LMO7: variants seen among roughly 807,000 people sequenced by gnomAD.
LMO7 encodes the protein LIM domain 7.
In LMO7, 120 loss-of-function variants were observed where a neutral mutation model predicts 206.5. The observed-to-expected ratio is 0.58, with a 90% CI of 0.50 to 0.68. The LOEUF (loss-of-function observed/expected upper bound fraction) is 0.68. Among genes scored for constraint, LMO7 ranks in the 30% least tolerant of loss-of-function variants. The probability of loss-of-function intolerance (pLI) is 0.00; values close to 1 mark genes in which losing one functional copy is unlikely to be tolerated. For synonymous variants in LMO7, 706 were observed against 681.5 expected, an observed-to-expected ratio of 1.04 and a Z score of -0.56; for missense variants, 1,959 against 1,957.9, an observed-to-expected ratio of 1.00 and a Z score of -0.01.
chr13:75,637,749 G>C (rs1418384045), intron 1 of LMO7, among the ~76,000 whole-genome samples: 1 of 152,152 alleles, frequency 6.6e-6, no homozygotes, highest in Non-Finnish European at 1.5e-5. Context: ...TTTCCTTAAA[G>C]AAATACATGT....
intron 1 of LMO7, among the ~76,000 whole-genome samples, chr13:75,694,135 C>T (rs374875211): frequency 4.6e-5 from 7 of 152,176 alleles, no homozygotes; most frequent in South Asian, 2.1e-4. Flanking sequence ...CAATCTAGGA[C>T]GGAAGAGAAG....
At chr13:75,836,497 A>G in intron 19 of LMO7, 40 bp downstream of exon 19, 1 of 1,035,456 alleles carries the variant, frequency 9.7e-7, no homozygotes, top group Non-Finnish European at 1.4e-6. Flanking sequence ...TAATACAGGA[A>G]AAGACATAGC....
At chr13:75,689,570 C>G (rs549491680) in intron 1 of LMO7, among the ~76,000 whole-genome samples, 1 of 152,086 alleles carries the variant, frequency 6.6e-6, no homozygotes, top group South Asian at 2.1e-4. Context: ...ACAGACCCAC[C>G]CTCAATCTGG....
chr13:75,664,141 T>C (rs993498435), intron 1 of LMO7, among the ~76,000 whole-genome samples: 15 of 152,272 alleles, frequency 9.9e-5, no homozygotes, highest in African/African-American at 3.6e-4. Flanking sequence ...ACTCCACTAC[T>C]CTTCCCAGCC....
intron 3 of LMO7, among the ~76,000 whole-genome samples, chr13:75,730,481 T>C (rs1323547199): frequency 1.3e-5 from 2 of 152,294 alleles, no homozygotes; most frequent in Non-Finnish European, 2.9e-5. Context: ...GATATCCCCT[T>C]TATCATTTTT....
At chr13:75,735,391 A>G (rs907930712) in intron 3 of LMO7, among the ~76,000 whole-genome samples, 1 of 152,034 alleles carries the variant, frequency 6.6e-6, no homozygotes, top group Non-Finnish European at 1.5e-5. Flanking sequence ...ACAACTTTCT[A>G]CTAGTAATAC....
At chr13:75,839,009 A>C (rs1029621387) in intron 20 of LMO7, among the ~76,000 whole-genome samples, 1 of 152,234 alleles carries the variant, frequency 6.6e-6, no homozygotes, top group Non-Finnish European at 1.5e-5. Context: ...ACACGTTTAC[A>C]AACGTGCCTT....
At chr13:75,772,109 C>A (rs1402025671) in intron 4 of LMO7, among the ~76,000 whole-genome samples, 2 of 152,094 alleles carry the variant, frequency 1.3e-5, no homozygotes, top group Non-Finnish European at 2.9e-5. Context: ...TTAAGAATTT[C>A]TTTACCAAGA....
chr13:75,763,690 T>C (rs779772891), intron 4 of LMO7, among the ~76,000 whole-genome samples: 11 of 152,176 alleles, frequency 7.2e-5, no homozygotes, highest in Non-Finnish European at 1.6e-4. Flanking sequence ...GCAAACTCAA[T>C]CTAATCATGA....
intron 4 of LMO7, among the ~76,000 whole-genome samples, chr13:75,765,752 T>C (rs1456647203): frequency 6.6e-6 from 1 of 152,158 alleles, no homozygotes; most frequent in Non-Finnish European, 1.5e-5. Flanking sequence ...GACAAGCCAT[T>C]GAATAATTCA....
intron 1 of LMO7, among the ~76,000 whole-genome samples, chr13:75,706,147 T>C (rs1400521743): frequency 6.6e-6 from 1 of 152,174 alleles, no homozygotes; most frequent in Non-Finnish European, 1.5e-5. Context: ...TAAGATGTTA[T>C]GTAGCTTGTT....
intron 7 of LMO7, among the ~76,000 whole-genome samples, chr13:75,801,124 T>A (rs1301252846): frequency 6.6e-6 from 1 of 152,132 alleles, no homozygotes; most frequent in East Asian, 1.9e-4. Context: ...TTGTGGCCTG[T>A]TTTATCAGTG....
At chr13:75,792,256 C>A (rs1363130295) in intron 4 of LMO7, among the ~76,000 whole-genome samples, 1 of 152,160 alleles carries the variant, frequency 6.6e-6, no homozygotes, top group Admixed American at 6.5e-5. Flanking sequence ...GAATGAGCCA[C>A]TGTGCCTGGT....
In LMO7 at chr13:75,794,857, G is replaced by T. The variant is rs572888803; in HGVS notation, c.318-544G>T. The stretch of plus-strand genomic sequence containing the variant: ...GAGGTTCATGGCTGTTTTTTAAACT[G>T]CCACTTTTCAACATTTGCAGGGTCA... On this transcript the variant is annotated intron_variant, in intron 4 of 30. Coordinates refer to ENST00000377534, the MANE Select transcript of LMO7 (RefSeq NM_001306080.2). Among the ~76,000 whole-genome samples the T allele has an allele frequency of 1.1e-4, 16 of 152,010 alleles. No individual in the cohort carries two copies. In the East Asian group the frequency reaches 3.1e-3, roughly 29 times the overall value.
intron 2 of LMO7, among the ~76,000 whole-genome samples, chr13:75,626,132 C>A (rs560689541): frequency 6.6e-6 from 1 of 152,130 alleles, no homozygotes; most frequent in Non-Finnish European, 1.5e-5. Context: ...GCCAGTCAGT[C>A]CTGTACTCTT....
chr13:75,708,511 C>G (rs2138018403), intron 1 of LMO7, among the ~76,000 whole-genome samples: 1 of 152,322 alleles, frequency 6.6e-6, no homozygotes, highest in African/African-American at 2.4e-5. Context: ...TTTGCTATGA[C>G]TAGAGAGAAT....
At chr13:75,719,988 T>G (rs995276142) in intron 2 of LMO7, among the ~76,000 whole-genome samples, 3 of 152,204 alleles carry the variant, frequency 2.0e-5, no homozygotes, top group African/African-American at 4.8e-5. Context: ...TGTTCCACGT[T>G]GTTGTCAGCA....
upstream of LMO7, among the ~76,000 whole-genome samples, chr13:75,634,682 G>T (rs983595897): frequency 6.6e-6 from 1 of 151,974 alleles, no homozygotes; most frequent in Non-Finnish European, 1.5e-5. Flanking sequence ...GGCGGAGCTT[G>T]CAGTGAGCCG....
chr13:75,727,037 A>G lies in LMO7; in HGVS notation c.149A>G (p.Asn50Ser). ...ENGVLLCDLINKLKPGVIKKI... is the reference protein window; with the variant it reads ...ENGVLLCDLISKLKPGVIKKI... ...TATTTATTTACTTTCAGTTTGATTAATAAGCTTAAACCTGGCGTCATTAAG... is the reference window on the plus strand; with the variant it reads ...TATTTATTTACTTTCAGTTTGATTAGTAAGCTTAAACCTGGCGTCATTAAG... The change falls in exon 3 of 31, where the codon AAT becomes AGT. Residue 50 changes from asparagine to serine, a missense_variant. Coordinates refer to ENST00000377534, the MANE Select transcript of LMO7 (RefSeq NM_001306080.2). The G allele has an allele frequency of 2.5e-6, 4 of 1,571,772 alleles. No individual in the cohort carries two copies. Among genetic ancestry groups the G allele is most frequent in the Non-Finnish European group, 3.5e-6 (4 of 1,142,542 alleles).
Sources: allele counts gnomAD v4.1 joint callset (sites outside exome capture counted in the v4.1 genomes callset), GRCh38; gene constraint gnomAD v4.1.1; transcripts MANE v1.5; gene names NCBI Gene and HGNC (gene_info 2026-07-23, HGNC 2026-07-21).